The following CPNE5 variants were observed in gnomAD, a reference collection of about 807,000 sequenced individuals.
CPNE5 encodes copine 5.
A neutral mutation model predicts 81.1 loss-of-function variants in CPNE5; 42 were observed. The ratio of observed to expected loss-of-function variants is 0.52; its 90% CI spans 0.40 to 0.67. The LOEUF (loss-of-function observed/expected upper bound fraction) is 0.67, where lower values mean the gene tolerates loss of function less well. CPNE5 is among the 30% of genes least tolerant of loss of function. CPNE5 has a pLI of 0.00. For missense variants in CPNE5, 612 were observed against 815.5 expected, an observed-to-expected ratio of 0.75 and a Z score of 3.04; for synonymous variants, 313 against 321.5, an observed-to-expected ratio of 0.97 and a Z score of 0.28.
chr6:36,778,979 G>C, intron 8 of CPNE5, 22 bp from the exon 9 acceptor site: 1 of 1,517,098 alleles, frequency 6.6e-7, no homozygotes, highest in Non-Finnish European at 9.1e-7. Context: ...GAGGGAGAAC[G>C]GGGTGTGAGG....
Position 36,811,720 on chromosome 6 carries a change from C to A in CPNE5, c.183+10394G>T, listed in dbSNP as rs550363164. ...ATGTATTACACAGAAATAATGAACACCTCTGCTTGAAGGAGGAAAGGGAGG... is the reference window on the plus strand; with the variant it reads ...ATGTATTACACAGAAATAATGAACAACTCTGCTTGAAGGAGGAAAGGGAGG... On this transcript the variant is annotated intron_variant, in intron 3 of 20. Coordinates refer to ENST00000244751, the MANE Select transcript of CPNE5 (RefSeq NM_020939.2). Among the ~76,000 whole-genome samples the A allele has an allele frequency of 2.0e-5, 3 of 152,252 alleles. No homozygotes were observed. The East Asian group carries it at 5.8e-4, about 29-fold the overall frequency.
At chr6:36,830,932 T>C (rs997354811) in intron 1 of CPNE5, among the ~76,000 whole-genome samples, 1 of 152,218 alleles carries the variant, frequency 6.6e-6, no homozygotes, top group Non-Finnish European at 1.5e-5. Flanking sequence ...ACCATCAGTA[T>C]CATCTCTCAC....
chr6:36,744,180 G>T, intron 19 of CPNE5, 88 bp downstream of exon 19: 1 of 1,106,920 alleles, frequency 9.0e-7, no homozygotes, highest in South Asian at 1.3e-5. Context: ...ATTCCCAGGG[G>T]ACCACAGCCT....
chr6:36,810,344 C>T (rs1208951917), intron 3 of CPNE5, among the ~76,000 whole-genome samples: 1 of 152,198 alleles, frequency 6.6e-6, no homozygotes, highest in East Asian at 1.9e-4. Context: ...GCCGTAGATC[C>T]CTCAATACTT....
At chr6:36,816,168 A>G (rs1249483281) in intron 3 of CPNE5, among the ~76,000 whole-genome samples, 1 of 152,230 alleles carries the variant, frequency 6.6e-6, no homozygotes, top group Non-Finnish European at 1.5e-5. Context: ...CAGTCAGTAA[A>G]TATCAGAGCT....
intron 8 of CPNE5, 44 bp downstream of exon 8, chr6:36,791,989 C>A (rs779239273): frequency 1.9e-6 from 3 of 1,573,430 alleles, no homozygotes; most frequent in Non-Finnish European, 2.6e-6. Flanking sequence ...ACTCCATCAC[C>A]CCCACCCCAA....
chr6:36,822,983 C>A, intron 2 of CPNE5, 75 bp downstream of exon 2: 1 of 1,318,614 alleles, frequency 7.6e-7, no homozygotes. Context: ...TCAGTAAGGG[C>A]TCAAGCATTG....
At chr6:36,742,857 G>A (rs1460413978) in intron 20 of CPNE5, 14 of 985,258 alleles carry the variant, frequency 1.4e-5, no homozygotes, top group African/African-American at 5.2e-5. Context: ...CCCCCGACCT[G>A]TCCAGCAGAG....
chr6:36,814,652 C>T (rs961033006), intron 3 of CPNE5, among the ~76,000 whole-genome samples: 7 of 152,054 alleles, frequency 4.6e-5, no homozygotes, highest in African/African-American at 1.7e-4. Context: ...AAGGCAAGCC[C>T]CTGTGTGGAG....
chr6:36,772,601 G>A (rs931829769), intron 10 of CPNE5, among the ~76,000 whole-genome samples: 10 of 152,190 alleles, frequency 6.6e-5, no homozygotes, highest in South Asian at 2.1e-4. Context: ...AGCTAGAGGC[G>A]CCACGCTGGG....
chr6:36,809,713 A>G (rs1770927129), intron 3 of CPNE5, among the ~76,000 whole-genome samples: 1 of 152,098 alleles, frequency 6.6e-6, no homozygotes, highest in African/African-American at 2.4e-5. Context: ...AAAGGCAGAG[A>G]AGGTGGGAGG....
chr6:36,789,258 C>G (rs1446306980), intron 8 of CPNE5, among the ~76,000 whole-genome samples: 1 of 152,134 alleles, frequency 6.6e-6, no homozygotes, highest in African/African-American at 2.4e-5. Context: ...ATCAAGAAAA[C>G]TGCTGCTATC....
chr6:36,761,889 T>C (rs1766058860), intron 12 of CPNE5, among the ~76,000 whole-genome samples: 1 of 151,434 alleles, frequency 6.6e-6, no homozygotes, highest in South Asian at 2.1e-4. Context: ...GGGACAAGAG[T>C]GGCTGGGAAG....
At position 36,800,067 on chromosome 6, in the gene CPNE5, C is replaced by G. The variant is rs1374276314; in HGVS notation, c.187G>C (p.Gly63Arg). ...GTGTTGTCGATGACTTCGGTGCGCC[C>G]AAACTGCAAGAGAAGATGGAGGGTG... The part of the protein sequence containing the change: ...GMENKQWREF[G>R]RTEVIDNTLN... Residue 63 changes from glycine (G) to arginine (R), a missense_variant, in exon 4 of 21, where the codon GGG becomes CGG. Physicochemically the swap from Gly to Arg is moderately radical, Grantham distance 125 (BLOSUM62 -2). Transcript: ENST00000244751. 1.2e-6 allele frequency: 2 copies of G among 1,610,788 alleles called. No homozygotes were observed. The highest frequency in any genetic ancestry group is 2.7e-5 in the African/African-American group (2 of 74,884).
At chr6:36,818,042 A>G (rs937785413) in intron 3 of CPNE5, among the ~76,000 whole-genome samples, 3 of 151,748 alleles carry the variant, frequency 2.0e-5, no homozygotes, top group African/African-American at 7.3e-5. Context: ...GAAACCTGAA[A>G]CCCAGCTCAA....
At chr6:36,815,828 T>C (rs1001516081) in intron 3 of CPNE5, among the ~76,000 whole-genome samples, 4 of 152,224 alleles carry the variant, frequency 2.6e-5, no homozygotes, top group African/African-American at 7.2e-5. Context: ...GGCAGGGACA[T>C]GTGGGTGTGG....
chr6:36,802,313 T>A lies in CPNE5; in HGVS notation c.184-2243A>T, dbSNP rs933663896. On this transcript the variant is annotated intron_variant, in intron 3 of 20. Coordinates refer to ENST00000244751, the MANE Select transcript of CPNE5 (RefSeq NM_020939.2). ...CAATTATAAAACAAAAAACATTAGC[T>A]AGGCATAGTACCATGCACTTGGGGT... Among the ~76,000 whole-genome samples, 20 of 150,474 alleles carry A rather than the reference T, an allele frequency of 1.3e-4. No homozygotes were observed. In the South Asian group the frequency reaches 1.7e-3, roughly 13 times the overall value.
intron 1 of CPNE5, among the ~76,000 whole-genome samples, chr6:36,826,749 C>A (rs906954359): frequency 1.2e-4 from 19 of 152,346 alleles, no homozygotes; most frequent in African/African-American, 4.6e-4. Context: ...TATCTCCCCA[C>A]CTGGGTGGCA....
intron 1 of CPNE5, among the ~76,000 whole-genome samples, chr6:36,834,437 C>T (rs1033000957): frequency 1.3e-5 from 2 of 151,972 alleles, no homozygotes; most frequent in African/African-American, 4.8e-5. Flanking sequence ...AGGCCGATCA[C>T]CTGAGGTCAG....
Sources: gnomAD v4.1 joint callset for allele counts (sites outside exome capture counted in the v4.1 genomes callset) on GRCh38, gnomAD v4.1.1 for gene constraint, MANE v1.5 for transcripts, NCBI Gene and HGNC (gene_info 2026-07-23, HGNC 2026-07-21) for gene names.